Variants in DLC1 observed in about 807,000 individuals in gnomAD.
The protein encoded by DLC1 is rho GTPase-activating protein 7.
A neutral mutation model predicts 140.3 loss-of-function variants in DLC1; 54 were observed. The observed-to-expected ratio is 0.38, with a 90% CI of 0.31 to 0.48. The LOEUF is 0.48. DLC1 is among the 20% of genes least tolerant of loss of function. The pLI, the probability that DLC1 is intolerant of heterozygous loss-of-function variation, is 0.96. For synonymous variants in DLC1, 986 were observed against 728.1 expected (o/e 1.35, Z -5.70); for missense variants, 2,536 against 1,907.0 (o/e 1.33, Z -6.14).
At chr8:13,488,958 A>G (rs1368375370) in intron 2 of DLC1, among the ~76,000 whole-genome samples, 2 of 151,720 alleles carry the variant, frequency 1.3e-5, no homozygotes, top group Non-Finnish European at 2.9e-5. Context: ...TTTTATTTTT[A>G]TTTTTTGAGA....
chr8:13,371,801 G>A (rs1003419628), intron 4 of DLC1, among the ~76,000 whole-genome samples: 1 of 152,094 alleles, frequency 6.6e-6, no homozygotes, highest in Non-Finnish European at 1.5e-5. Context: ...GCTCCTTGAG[G>A]AAGCCTATTG....
At chr8:13,170,458 C>T (rs905529817) in intron 5 of DLC1, among the ~76,000 whole-genome samples, 15 of 152,254 alleles carry the variant, frequency 9.9e-5, no homozygotes, top group South Asian at 2.1e-4. Flanking sequence ...GGGCCGGGCG[C>T]GGTGGCTCAC....
At chr8:13,180,783 TAA>T (rs1482956078) in intron 5 of DLC1, among the ~76,000 whole-genome samples, 2 of 152,318 alleles carry the variant, frequency 1.3e-5, no homozygotes, top group African/African-American at 2.4e-5. Flanking sequence ...CACATGAAAT[TAA>T]GTTTCCAAAA....
intron 1 of DLC1, among the ~76,000 whole-genome samples, chr8:13,569,572 C>G (rs1210083285): frequency 2.0e-5 from 3 of 152,098 alleles, no homozygotes; most frequent in Non-Finnish European, 2.9e-5. Context: ...CATGCTCCAC[C>G]CTTTTAGTCA....
At chr8:13,371,776 C>G (rs897118485) in intron 4 of DLC1, among the ~76,000 whole-genome samples, 2 of 152,136 alleles carry the variant, frequency 1.3e-5, no homozygotes, top group African/African-American at 4.8e-5. Flanking sequence ...TAGTGTGTTT[C>G]CTGTTTAACT....
intron 7 of DLC1, among the ~76,000 whole-genome samples, chr8:13,107,971 G>T (rs1292738342): frequency 6.6e-6 from 1 of 152,086 alleles, no homozygotes; most frequent in Non-Finnish European, 1.5e-5. Flanking sequence ...CTTGAACCTG[G>T]GAGGCGGAGG....
chr8:13,230,934 G>C (rs916440178), intron 5 of DLC1, among the ~76,000 whole-genome samples: 1 of 152,048 alleles, frequency 6.6e-6, no homozygotes, highest in Non-Finnish European at 1.5e-5. Context: ...TTTCAGGATT[G>C]CTTTGAGAAG....
chr8:13,179,500 T>G (rs984098811), intron 5 of DLC1, among the ~76,000 whole-genome samples: 1 of 152,044 alleles, frequency 6.6e-6, no homozygotes, highest in African/African-American at 2.4e-5. Context: ...GCAGACAGAT[T>G]GCTTGAGCTC....
chr8:13,120,370 T>TATATATATATATATATATAA (rs369581778), intron 5 of DLC1, among the ~76,000 whole-genome samples: 47 of 110,856 alleles, frequency 4.2e-4, no homozygotes, highest in Admixed American at 3.4e-3. Context: ...TATATATATA[T>TATATATATATATATATATAA]AAAATGTATA....
At chr8:13,542,252 A>AT (rs932698055) in intron 1 of DLC1, among the ~76,000 whole-genome samples, 2 of 152,232 alleles carry the variant, frequency 1.3e-5, no homozygotes, top group African/African-American at 2.4e-5. Flanking sequence ...AAGAGCCAAG[A>AT]TTTTTTTATG....
At chr8:13,347,800 G>A (rs1834425143) in intron 4 of DLC1, among the ~76,000 whole-genome samples, 1 of 152,110 alleles carries the variant, frequency 6.6e-6, no homozygotes, top group Non-Finnish European at 1.5e-5. Flanking sequence ...CAGAGTAGAG[G>A]CCCTTAATCT....
chr8:13,291,677 TA>T (rs749356621), intron 5 of DLC1, among the ~76,000 whole-genome samples: 7 of 152,150 alleles, frequency 4.6e-5, no homozygotes, highest in Non-Finnish European at 7.3e-5. Flanking sequence ...ACATAGACAG[TA>T]ATAAATATAA....
At chr8:13,097,903 G>A (rs560767545) in intron 10 of DLC1, among the ~76,000 whole-genome samples, 1 of 152,166 alleles carries the variant, frequency 6.6e-6, no homozygotes, top group African/African-American at 2.4e-5. Flanking sequence ...TATAGAGAGT[G>A]GCTGGCGTGG....
At chr8:13,565,697 G>A (rs1401268437) in intron 1 of DLC1, among the ~76,000 whole-genome samples, 1 of 152,088 alleles carries the variant, frequency 6.6e-6, no homozygotes, top group Non-Finnish European at 1.5e-5. Flanking sequence ...AACACAGGAA[G>A]AAAGAGAGAG....
chr8:13,330,544 A>C (rs558629590), intron 4 of DLC1, among the ~76,000 whole-genome samples: 1 of 152,222 alleles, frequency 6.6e-6, no homozygotes, highest in Non-Finnish European at 1.5e-5. Flanking sequence ...TTAATTCTAG[A>C]TAATTATATA....
chr8:13,485,839 A>G (rs920136016), intron 2 of DLC1, among the ~76,000 whole-genome samples: 3 of 152,188 alleles, frequency 2.0e-5, no homozygotes, highest in Non-Finnish European at 2.9e-5. Flanking sequence ...CTCATGCACA[A>G]CTTAGCATGC....
intron 5 of DLC1, among the ~76,000 whole-genome samples, chr8:13,125,618 C>T (rs1821485002): frequency 6.6e-6 from 1 of 152,148 alleles, no homozygotes; most frequent in Admixed American, 6.6e-5. Flanking sequence ...CAGCTCTCAT[C>T]CCCAGGTTAG....
intron 4 of DLC1, among the ~76,000 whole-genome samples, chr8:13,312,965 A>T (rs577901050): frequency 6.6e-5 from 10 of 152,132 alleles, no homozygotes; most frequent in Non-Finnish European, 1.5e-4. Context: ...TTTTTGTTGG[A>T]TGATGTCAAC....
At chr8:13,467,278 C>T (rs980718092) in intron 2 of DLC1, among the ~76,000 whole-genome samples, 3 of 152,138 alleles carry the variant, frequency 2.0e-5, no homozygotes, top group African/African-American at 4.8e-5. Flanking sequence ...TCACCTGCCC[C>T]GTTGGAATGT....
Sources: gnomAD v4.1 joint callset for allele counts (sites outside exome capture counted in the v4.1 genomes callset) on GRCh38, gnomAD v4.1.1 for gene constraint, MANE v1.5 for transcripts, NCBI Gene and HGNC (gene_info 2026-07-23, HGNC 2026-07-21) for gene names.